Variants in IGFL2 observed in about 807,000 individuals in gnomAD.
IGFL2 encodes the protein IGF like family member 2, also known as insulin growth factor-like family member 2.
Under a neutral mutation model 13.9 loss-of-function variants are expected in IGFL2, and 7 were observed. The observed-to-expected ratio is 0.51, with a 90% CI of 0.29 to 0.95. The LOEUF is 0.95. IGFL2 is among the 40% of genes least tolerant of loss of function. The pLI, the probability that IGFL2 is intolerant of heterozygous loss-of-function variation, is 0.08. For synonymous variants in IGFL2, 55 were observed against 55.8 expected, an observed-to-expected ratio of 0.99 and a Z score of 0.07; for missense variants, 138 against 147.8, an observed-to-expected ratio of 0.93 and a Z score of 0.34.
the IGFL2 span, among the ~76,000 whole-genome samples, chr19:46,099,486 A>G: frequency 1.5e-5 from 2 of 137,294 alleles, no homozygotes; most frequent in Non-Finnish European, 3.2e-5. Context: ...GTCTTTTTAC[A>G]TAGTCTCATA....
chr19:46,118,763 T>C, the IGFL2 span, among the ~76,000 whole-genome samples: 1 of 152,204 alleles, frequency 6.6e-6, no homozygotes, highest in Non-Finnish European at 1.5e-5. Context: ...TGCTGAAGGC[T>C]GAAGTTGAGA....
chr19:46,204,079 C>T, the IGFL2 span: 2 of 152,160 alleles, frequency 1.3e-5, no homozygotes, highest in African/African-American at 4.8e-5. Flanking sequence ...GGGAGAGGCT[C>T]CCTGAGGCCA....
the IGFL2 span, among the ~76,000 whole-genome samples, chr19:46,119,100 G>A: frequency 5.9e-5 from 9 of 152,130 alleles, no homozygotes; most frequent in Non-Finnish European, 1.2e-4. Context: ...ACTTGGCTGT[G>A]CCCCGCCCTC....
the IGFL2 span, among the ~76,000 whole-genome samples, chr19:46,112,511 C>A: frequency 6.6e-6 from 1 of 152,182 alleles, no homozygotes; most frequent in Admixed American, 6.5e-5. Context: ...GATACCAGAA[C>A]TGTTCCATCC....
chr19:46,093,571 C>T, the IGFL2 span, among the ~76,000 whole-genome samples: 1 of 152,084 alleles, frequency 6.6e-6, no homozygotes, highest in African/African-American at 2.4e-5. Context: ...GGCAAAAACG[C>T]ATGCAGATTG....
At chr19:46,179,118 G>C in the IGFL2 span, among the ~76,000 whole-genome samples, 1 of 151,908 alleles carries the variant, frequency 6.6e-6, no homozygotes, top group Non-Finnish European at 1.5e-5. Flanking sequence ...GTGGGGTGGG[G>C]GGTCTGTGAG....
the IGFL2 span, among the ~76,000 whole-genome samples, chr19:46,079,188 A>C: frequency 6.6e-6 from 1 of 152,268 alleles, no homozygotes; most frequent in Admixed American, 6.5e-5. Context: ...TTTTCGTCGC[A>C]GTAACTGCCT....
chr19:46,136,929 G>T, the IGFL2 span: 2 of 1,001,168 alleles, frequency 2.0e-6, no homozygotes, highest in East Asian at 2.4e-5. Context: ...GCACATGAGA[G>T]AGGTGTCTGT....
chr19:46,128,451 G>A, the IGFL2 span, among the ~76,000 whole-genome samples: 39 of 152,234 alleles, frequency 2.6e-4, no homozygotes, highest in East Asian at 3.7e-3. Context: ...TCCAGCTTTT[G>A]CCCATTCTGT....
the IGFL2 span, among the ~76,000 whole-genome samples, chr19:46,091,479 C>A: frequency 6.6e-6 from 1 of 152,184 alleles, no homozygotes; most frequent in Non-Finnish European, 1.5e-5. Flanking sequence ...ACAAATTATT[C>A]TGTTAGAAGA....
chr19:46,151,752 A>G (rs1973507704), intron 1 of IGFL2, among the ~76,000 whole-genome samples: 1 of 152,184 alleles, frequency 6.6e-6, no homozygotes, highest in Admixed American at 6.5e-5. Context: ...CTCTACCAAA[A>G]AATGCAAAAA....
At chr19:46,115,316 T>G in the IGFL2 span, among the ~76,000 whole-genome samples, 2 of 152,032 alleles carry the variant, frequency 1.3e-5, no homozygotes, top group Non-Finnish European at 2.9e-5. Context: ...AAACACAGGC[T>G]CTCTCTTACA....
At chr19:46,139,701 C>T (rs1034228515), upstream of IGFL2, among the ~76,000 whole-genome samples, 3 of 152,032 alleles carry the variant, frequency 2.0e-5, no homozygotes, top group Admixed American at 6.6e-5. Flanking sequence ...TAAGCAAGTT[C>T]ACAACTGTGG....
At chr19:46,190,374 C>T in the IGFL2 span, 2 of 152,222 alleles carry the variant, frequency 1.3e-5, no homozygotes, top group South Asian at 4.1e-4. Context: ...CTCTCACCCT[C>T]CAACAGGCTG....
At chr19:46,149,319 C>T (rs1451024145) in intron 1 of IGFL2, among the ~76,000 whole-genome samples, 8 of 131,996 alleles carry the variant, frequency 6.1e-5, no homozygotes. Flanking sequence ...CTCCCCCTCC[C>T]CTCCCCATCT....
the IGFL2 span, among the ~76,000 whole-genome samples, chr19:46,109,612 G>A: frequency 0.47 from 70,829 of 151,952 alleles, 19,407 homozygotes; most frequent in Non-Finnish European, 0.63. Context: ...CACCGCGCCC[G>A]GCCCAAAGTA....
the IGFL2 span, among the ~76,000 whole-genome samples, chr19:46,091,014 T>C: frequency 6.6e-5 from 10 of 152,178 alleles, no homozygotes; most frequent in African/African-American, 2.4e-4. Context: ...GTAATTTGGG[T>C]GACATAAAAT....
At chr19:46,192,335 G>C in the IGFL2 span, among the ~76,000 whole-genome samples, 1 of 152,046 alleles carries the variant, frequency 6.6e-6, no homozygotes, top group Non-Finnish European at 1.5e-5. Flanking sequence ...AAGAATGCTC[G>C]ATGCTCAAAT....
chr19:46,106,517 A>G, the IGFL2 span, among the ~76,000 whole-genome samples: 3 of 152,176 alleles, frequency 2.0e-5, no homozygotes, highest in African/African-American at 7.2e-5. Flanking sequence ...GTGTAAAGGA[A>G]TAGTAAAGAA....
Sources: allele counts gnomAD v4.1 joint callset (sites outside exome capture counted in the v4.1 genomes callset), GRCh38; gene constraint gnomAD v4.1.1; transcripts MANE v1.5; gene names NCBI Gene and HGNC (gene_info 2026-07-23, HGNC 2026-07-21).